ADGRB1: variants seen among roughly 807,000 people sequenced by gnomAD.
ADGRB1 encodes adhesion G protein-coupled receptor B1.
In ADGRB1, 36 loss-of-function variants were observed where a neutral mutation model predicts 175.7. That is an observed-to-expected ratio of 0.20 (90% CI 0.16 to 0.27). The LOEUF is 0.27. ADGRB1 is among the 10% of genes least tolerant of loss of function. The probability of loss-of-function intolerance (pLI) is 1.00; values close to 1 mark genes in which losing one functional copy is unlikely to be tolerated. For synonymous variants in ADGRB1, 1,054 were observed against 979.4 expected (o/e 1.08, Z -1.42); for missense variants, 1,731 against 2,255.3 (o/e 0.77, Z 4.71).
At chr8:142,522,590 C>T in intron 21 of ADGRB1, 51 bp from the exon 22 acceptor site, 2 of 1,501,706 alleles carry the variant, frequency 1.3e-6, no homozygotes, top group Non-Finnish European at 1.8e-6. Flanking sequence ...GAGGTGGAGG[C>T]TGGCTGGGGA....
chr8:142,510,907 C>T lies in ADGRB1; in HGVS notation c.2676-25C>T, dbSNP rs1843065308. 3.7e-6 allele frequency: 4 copies of T among 1,072,508 alleles called. No individual in the cohort carries two copies. Among genetic ancestry groups the T allele is most frequent in the South Asian group, 3.6e-5 (1 of 27,602 alleles). The allele number at this position is 1,072,508 out of a possible 1,614,324, so 66.4% of individuals were successfully genotyped here. On this transcript the variant is annotated intron_variant, in intron 17 of 30. Coordinates refer to ENST00000517894, the MANE Select transcript of ADGRB1 (RefSeq NM_001702.3). This position sits in a 1 kb window ranked among gnomAD's most constrained non-coding sequence, Gnocchi z 6.3. ...CCGCCGCTGACGCTCCGCCTGTCTC[C>T]CTCCCGTGTCCCGCCCGCCCCCAGA...
At chr8:142,525,273 C>T (rs1453319748) in intron 23 of ADGRB1, among the ~76,000 whole-genome samples, 1 of 151,926 alleles carries the variant, frequency 6.6e-6, no homozygotes, top group East Asian at 1.9e-4. Context: ...TTCCTCCAGG[C>T]GGGAGGCAGG....
chr8:142,453,718 C>T (rs1839496268), intron 1 of ADGRB1, among the ~76,000 whole-genome samples: 2 of 152,166 alleles, frequency 1.3e-5, no homozygotes, highest in Admixed American at 6.5e-5. Flanking sequence ...AATCCCCCAC[C>T]CCAAGCACTA....
chr8:142,502,852 G>A (rs1276892898), intron 17 of ADGRB1, among the ~76,000 whole-genome samples: 4 of 151,914 alleles, frequency 2.6e-5, no homozygotes, highest in African/African-American at 9.7e-5. Flanking sequence ...TGTTGCTGCT[G>A]TTGGTGGTAG....
chr8:142,493,629 T>C lies in ADGRB1; in HGVS notation c.2675+2814T>C, dbSNP rs1842083084. Among the ~76,000 whole-genome samples, 1 of 152,234 alleles carries C rather than the reference T, an allele frequency of 6.6e-6. No homozygotes were observed. The highest frequency in any genetic ancestry group is 2.1e-4 in the South Asian group (1 of 4,834). On this transcript the variant is annotated intron_variant, in intron 17 of 30. Coordinates refer to ENST00000517894, the MANE Select transcript of ADGRB1 (RefSeq NM_001702.3). This position sits in a 1 kb window ranked among gnomAD's most constrained non-coding sequence, Gnocchi z 5.0. ...AAGTTGCCTCTTGGGTCCTTGACCCTGCCCGGCAGCCAGGCCACGCTGCAC... is the reference window on the plus strand; with the variant it reads ...AAGTTGCCTCTTGGGTCCTTGACCCCGCCCGGCAGCCAGGCCACGCTGCAC...
rs971471544 is a variant in ADGRB1, at chr8:142,543,820, G to A, written c.4557+112G>A. The A allele has an allele frequency of 3.6e-5, 39 of 1,087,070 alleles. No individual in the cohort carries two copies. The highest frequency in any genetic ancestry group is 8.1e-5 in the Admixed American group (4 of 49,246). The allele number at this position is 1,087,070 out of a possible 1,614,324, so 67.3% of individuals were successfully genotyped here. ...CATCCATCCATCCATCCATCCATTC[G>A]TTCATTCATTCATTCATTCGCCCAT... On this transcript the variant is annotated intron_variant, in intron 30 of 30. Transcript: ENST00000517894. This position sits in a 1 kb window ranked among gnomAD's most constrained non-coding sequence, Gnocchi z 4.4.
chr8:142,491,055 C>T (rs1841957872), intron 17 of ADGRB1, among the ~76,000 whole-genome samples: 1 of 152,162 alleles, frequency 6.6e-6, no homozygotes, highest in Non-Finnish European at 1.5e-5. Context: ...CGTGGAGGTC[C>T]AACCACAGGC....
In ADGRB1 at chr8:142,502,420, A is replaced by ATGGTGG. The variant is rs1563719070; in HGVS notation, c.2676-8501_2676-8496dup. Among the ~76,000 whole-genome samples the ATGGTGG allele has an allele frequency of 2.8e-3, 6 of 2,132 alleles. 1 individual carries two copies. Among genetic ancestry groups the ATGGTGG allele is most frequent in the Non-Finnish European group, 3.6e-3 (4 of 1,124 alleles). 1.4% of individuals were successfully genotyped at this position (2,132 alleles called of 152,430 possible). ...GGTGATGGTGGTGGTGGTGGTGGTG[A>ATGGTGG]TGGTGGTGGTGGTGGTAGTGGTGGT... On this transcript the variant is annotated intron_variant, in intron 17 of 30. Coordinates refer to ENST00000517894, the MANE Select transcript of ADGRB1 (RefSeq NM_001702.3).
rs1587377595 is a variant in ADGRB1 at position 142,511,088 on chromosome 8, G to C, written c.2817+15G>C. ...GCGCCGACGCGGTGAGACCCCGGCC[G>C]GGCCGGCGGGAGGGGCGCCGGGCAG... On this transcript the variant is annotated intron_variant, in intron 18 of 30. Coordinates refer to ENST00000517894, the MANE Select transcript of ADGRB1 (RefSeq NM_001702.3). This position sits in a 1 kb window ranked among gnomAD's most constrained non-coding sequence, Gnocchi z 4.5. 9.0e-7 allele frequency: 1 copy of C among 1,105,308 alleles called. No individual in the cohort carries two copies. The highest frequency in any genetic ancestry group is 5.5e-5 in the East Asian group (1 of 18,190). The allele number at this position is 1,105,308 out of a possible 1,614,324, so 68.5% of individuals were successfully genotyped here.
At chr8:142,503,257 G>C (rs375216877) in intron 17 of ADGRB1, among the ~76,000 whole-genome samples, 1 of 152,040 alleles carries the variant, frequency 6.6e-6, no homozygotes, top group East Asian at 1.9e-4. Flanking sequence ...CCAAGGGAGC[G>C]CTTCCGAGGT....
chr8:142,469,835 G>T (rs2131727814), intron 2 of ADGRB1, among the ~76,000 whole-genome samples: 1 of 152,326 alleles, frequency 6.6e-6, no homozygotes, highest in Admixed American at 6.5e-5. Flanking sequence ...GACCAGAGAG[G>T]CAGGTGACCA....
At chr8:142,503,007 G>A (rs1400379248) in intron 17 of ADGRB1, among the ~76,000 whole-genome samples, 1 of 152,004 alleles carries the variant, frequency 6.6e-6, no homozygotes, top group Middle Eastern at 3.4e-3. Context: ...GGGTGGTGGC[G>A]ATGGTGACAG....
chr8:142,524,375 G>A, intron 23 of ADGRB1, 71 bp downstream of exon 23: 1 of 1,436,438 alleles, frequency 7.0e-7, no homozygotes, highest in South Asian at 1.3e-5. Flanking sequence ...GGGCCTCGGT[G>A]CTGTCTCATG....
At chr8:142,518,470 CAG>C (rs1389346357) in intron 19 of ADGRB1, among the ~76,000 whole-genome samples, 4 of 152,178 alleles carry the variant, frequency 2.6e-5, no homozygotes, top group Non-Finnish European at 5.9e-5. Context: ...CGCACAAACA[CAG>C]GGGGTGGGGC....
chr8:142,519,069 C>T (rs950578930), intron 19 of ADGRB1, among the ~76,000 whole-genome samples: 5 of 152,170 alleles, frequency 3.3e-5, no homozygotes, highest in African/African-American at 1.2e-4. Flanking sequence ...GGGCTCTCCA[C>T]TGTCCTGCCT....
chr8:142,539,687 G>T (rs867012577), intron 27 of ADGRB1: 1 of 565,296 alleles, frequency 1.8e-6, no homozygotes, highest in Non-Finnish European at 3.2e-6. Context: ...TGCTGAGCAG[G>T]TGCCTGTGGA....
intron 1 of ADGRB1, among the ~76,000 whole-genome samples, chr8:142,458,286 G>A (rs1358244301): frequency 2.0e-5 from 3 of 152,190 alleles, no homozygotes; most frequent in Non-Finnish European, 2.9e-5. Context: ...TGGGGAAACC[G>A]AGGTGCAGGG....
chr8:142,513,268 A>G (rs1406447646), intron 18 of ADGRB1, among the ~76,000 whole-genome samples: 1 of 152,150 alleles, frequency 6.6e-6, no homozygotes, highest in African/African-American at 2.4e-5. Context: ...CTCTGCCGCA[A>G]GGGCAGACCA....
chr8:142,475,611 C>T lies in ADGRB1; in HGVS notation c.922C>T (p.Gln308Ter). 1 of 1,235,288 alleles carries T rather than the reference C, an allele frequency of 8.1e-7. No individual in the cohort carries two copies. Among genetic ancestry groups the T allele is most frequent in the Non-Finnish European group, 1.0e-6 (1 of 989,436 alleles). The allele number at this position is 1,235,288 out of a possible 1,614,324, so 76.5% of individuals were successfully genotyped here. A position where few individuals can be genotyped will look rare whatever the true frequency, so the allele number is the denominator to read the frequency against. Residue 308 changes from glutamine (Q) to a stop codon, truncating the protein, a stop_gained, in exon 3 of 31, where the codon CAG becomes TAG. Transcript: ENST00000517894. LOFTEE classifies it high-confidence loss of function. ...GCEGVLEEGR[Q>*]CNREACGPAG... ...CGAGGGGGTGCTGGAGGAGGGTCGC[C>T]AGTGCAACCGCGAGGCCTGCGGCCG...
Sources: gnomAD v4.1 joint callset for allele counts (sites outside exome capture counted in the v4.1 genomes callset) on GRCh38, gnomAD v4.1.1 for gene constraint, Gnocchi (gnomAD v3.1) non-coding constraint, MANE v1.5 for transcripts, NCBI Gene and HGNC (gene_info 2026-07-23, HGNC 2026-07-21) for gene names.